SLC22A9: variants seen among roughly 807,000 people sequenced by gnomAD.
SLC22A9 encodes the protein organic anion transporter 7.
SLC22A9 carries 64 observed loss-of-function variants against 50.1 expected under a neutral mutation model. The ratio of observed to expected loss-of-function variants is 1.28; its 90% CI spans 1.04 to 1.57. The LOEUF (loss-of-function observed/expected upper bound fraction) is 1.57. SLC22A9 is among the 40% of genes most tolerant of loss of function. The probability of loss-of-function intolerance (pLI) is 0.00; values close to 1 mark genes in which losing one functional copy is unlikely to be tolerated. For missense variants in SLC22A9, 757 were observed against 676.1 expected, an observed-to-expected ratio of 1.12 and a Z score of -1.33; for synonymous variants, 261 against 242.5, an observed-to-expected ratio of 1.08 and a Z score of -0.71.
intron 9 of SLC22A9, 144 bp from the exon 10 acceptor site, chr11:63,409,658 T>C (rs1382798376): frequency 2.7e-6 from 2 of 750,526 alleles, no homozygotes; most frequent in Non-Finnish European, 4.3e-6. Flanking sequence ...CAAGGTTTAC[T>C]CAATCCCTTG....
At chr11:63,403,188 G>A (rs2014978696) in intron 6 of SLC22A9, among the ~76,000 whole-genome samples, 1 of 151,976 alleles carries the variant, frequency 6.6e-6, no homozygotes, top group Non-Finnish European at 1.5e-5. Context: ...AATTATCAAA[G>A]AAAAGAGAGA....
intron 6 of SLC22A9, among the ~76,000 whole-genome samples, chr11:63,405,102 C>G (rs530170858): frequency 5.9e-5 from 9 of 151,926 alleles, no homozygotes; most frequent in African/African-American, 1.7e-4. Context: ...ACCTGTTCCC[C>G]AAAAGCTATT....
intron 6 of SLC22A9, among the ~76,000 whole-genome samples, chr11:63,403,823 A>G (rs2014992173): frequency 6.6e-6 from 1 of 151,230 alleles, no homozygotes; most frequent in African/African-American, 2.4e-5. Flanking sequence ...AAATAAATAA[A>G]TCAATCAATC....
chr11:63,370,448 T>A lies in SLC22A9; in HGVS notation c.392T>A (p.Ile131Asn), dbSNP rs754751056. 6.3e-7 allele frequency: 1 copy of A among 1,586,568 alleles called. No homozygotes were observed. Among genetic ancestry groups the A allele is most frequent in the Non-Finnish European group, 8.6e-7 (1 of 1,166,858 alleles). The change falls in exon 1 of 10, where the codon ATC becomes AAC. Residue 131 changes from isoleucine to asparagine, a missense_variant. By Grantham distance (149) the Ile-to-Asn change is moderately radical. Coordinates refer to ENST00000279178, the MANE Select transcript of SLC22A9 (RefSeq NM_080866.3). ...GACAGAATCTCCTTCTCATCCACCA[T>A]CGTGACTGAGGTAAGAGGCTCTGTT... Reference protein sequence around the residue: ...VYDRISFSSTIVTEWDLVCDS... With the variant: ...VYDRISFSSTNVTEWDLVCDS...
rs2015085343 is a variant in SLC22A9 at position 63,408,806 on chromosome 11, G to A, written c.1528G>A (p.Gly510Ser). 1 of 1,613,870 alleles carries A rather than the reference G, an allele frequency of 6.2e-7. No homozygotes were observed. Among genetic ancestry groups the A allele is most frequent in the Non-Finnish European group, 8.5e-7 (1 of 1,179,906 alleles). ...CTATGGAGTCTTCCCCTTCATCTCT[G>A]GCTTTGCTTTCCTCCTCCTTCCTGA... Reference protein sequence around the residue: ...IIYGVFPFISGFAFLLLPETR... With the variant: ...IIYGVFPFISSFAFLLLPETR... Residue 510 changes from glycine to serine, a missense_variant, in exon 9 of 10, where the codon GGC becomes AGC. Gly to Ser is a moderately conservative substitution (Grantham distance 56). Transcript: ENST00000279178.
intron 5 of SLC22A9, 87 bp from the exon 6 acceptor site, chr11:63,382,072 C>T: frequency 1.2e-6 from 1 of 862,608 alleles, no homozygotes; most frequent in South Asian, 1.9e-5. Context: ...AGTCAACTCA[C>T]TTCTCATCTG....
intron 4 of SLC22A9, among the ~76,000 whole-genome samples, chr11:63,374,345 A>G (rs1388426651): frequency 2.6e-5 from 4 of 152,188 alleles, no homozygotes; most frequent in Non-Finnish European, 4.4e-5. Context: ...TTTATTGTTT[A>G]TATGAAATTT....
intron 6 of SLC22A9, among the ~76,000 whole-genome samples, chr11:63,398,124 C>A (rs982736722): frequency 6.6e-6 from 1 of 152,170 alleles, no homozygotes; most frequent in Non-Finnish European, 1.5e-5. Context: ...GGCCTGCGTC[C>A]TTCCCTTCAA....
rs762734442 is a variant in SLC22A9, at chr11:63,375,600, G to A, written c.831-45G>A. On this transcript the variant is annotated intron_variant, in intron 4 of 9. Coordinates refer to ENST00000279178, the MANE Select transcript of SLC22A9 (RefSeq NM_080866.3). Reference sequence around the variant, plus strand: ...TTAAGAAAAAACTAATGTAAGAAATGAGGAAGTGAAAGTCGACTGCCCCTC... The same window carrying A: ...TTAAGAAAAAACTAATGTAAGAAATAAGGAAGTGAAAGTCGACTGCCCCTC... 3 of 1,594,186 alleles carry A rather than the reference G, an allele frequency of 1.9e-6. No homozygotes were observed. In the East Asian group the frequency reaches 6.7e-5, roughly 36 times the overall value.
intron 8 of SLC22A9, 79 bp downstream of exon 8, chr11:63,408,299 C>A (rs2015075489): frequency 2.8e-6 from 3 of 1,080,188 alleles, no homozygotes; most frequent in Non-Finnish European, 2.8e-6. Context: ...GGGAAGAAAT[C>A]TAAGACTGGT....
chr11:63,389,369 C>T (rs2014723458), intron 6 of SLC22A9, among the ~76,000 whole-genome samples: 1 of 134,504 alleles, frequency 7.4e-6, no homozygotes, highest in Non-Finnish European at 1.6e-5. Context: ...GTGTGATGTT[C>T]CCCTCCCTGT....
intron 6 of SLC22A9, among the ~76,000 whole-genome samples, chr11:63,404,856 A>T (rs1358776923): frequency 1.3e-5 from 2 of 152,166 alleles, no homozygotes; most frequent in Non-Finnish European, 2.9e-5. Flanking sequence ...TCCTAGGGAA[A>T]ACCCAGCCTG....
rs373670819 is a variant in SLC22A9, at chr11:63,382,169, C to T, written c.965C>T (p.Ser322Phe). The T allele has an allele frequency of 5.2e-4, 830 of 1,604,396 alleles. 10 individuals are homozygous for T. The South Asian group carries it at 7.7e-3, about 15-fold the overall frequency. ...RDTLTLEILK[S>F]TMKKELEAAQ... The stretch of plus-strand genomic sequence containing the variant: ...CTGCTATTGTTGAAGATTTTGAAAT[C>T]CACCATGAAAAAAGAACTGGAGGCA... Residue 322 changes from serine (S) to phenylalanine (F), a missense_variant, in exon 6 of 10, where the codon TCC becomes TTC. By Grantham distance (155) the Ser-to-Phe change is radical. Transcript: ENST00000279178.
chr11:63,398,803 T>C (rs1344875958), intron 6 of SLC22A9, among the ~76,000 whole-genome samples: 1 of 152,192 alleles, frequency 6.6e-6, no homozygotes, highest in African/African-American at 2.4e-5. Context: ...TCCCACTTTA[T>C]TTTTGGCTCT....
chr11:63,393,641 C>T (rs2014802693), intron 6 of SLC22A9, among the ~76,000 whole-genome samples: 1 of 152,022 alleles, frequency 6.6e-6, no homozygotes. Context: ...TAATGAGATG[C>T]TGGATTTTGT....
chr11:63,386,693 G>A (rs2014675222), intron 6 of SLC22A9, among the ~76,000 whole-genome samples: 1 of 151,092 alleles, frequency 6.6e-6, no homozygotes, highest in Non-Finnish European at 1.5e-5. Context: ...TTTTTATTGT[G>A]TCTATTTGAG....
chr11:63,399,489 G>A (rs1279588071), intron 6 of SLC22A9, among the ~76,000 whole-genome samples: 6 of 152,066 alleles, frequency 3.9e-5, no homozygotes, highest in African/African-American at 1.2e-4. Context: ...GGTCAAATCA[G>A]TAAGAAGATA....
chr11:63,406,893 G>A (rs892849890), intron 7 of SLC22A9, among the ~76,000 whole-genome samples, 182 bp downstream of exon 7: 3 of 152,162 alleles, frequency 2.0e-5, no homozygotes, highest in Non-Finnish European at 4.4e-5. Context: ...AGTCAAAGAT[G>A]AGTAAAGGTT....
intron 6 of SLC22A9, among the ~76,000 whole-genome samples, chr11:63,404,399 A>G (rs1479383844): frequency 1.3e-5 from 2 of 152,188 alleles, no homozygotes; most frequent in Admixed American, 1.3e-4. Context: ...GCTGTACAAC[A>G]TTATGCTTAC....
Sources: gnomAD v4.1 joint callset for allele counts (sites outside exome capture counted in the v4.1 genomes callset) on GRCh38, gnomAD v4.1.1 for gene constraint, MANE v1.5 for transcripts, NCBI Gene and HGNC (gene_info 2026-07-23, HGNC 2026-07-21) for gene names.